Variants in CAD observed in about 807,000 individuals in gnomAD.
CAD encodes carbamoyl-phosphate synthetase 2, aspartate transcarbamylase, and dihydroorotase.
A neutral mutation model predicts 237.2 loss-of-function variants in CAD; 81 were observed. That is an observed-to-expected ratio of 0.34 (90% CI 0.29 to 0.41). The LOEUF is 0.41. Among genes scored for constraint, CAD ranks in the 10% least tolerant of loss-of-function variants. The pLI, the probability that CAD is intolerant of heterozygous loss-of-function variation, is 1.00. For synonymous variants in CAD, 1,196 were observed against 1,162.8 expected (o/e 1.03, Z -0.58); for missense variants, 2,181 against 2,951.7 (o/e 0.74, Z 6.05).
At position 27,235,824 on chromosome 2, in the gene CAD, A is replaced by C. The variant is rs1042934213; in HGVS notation, c.4074+184A>C. ...AGGCTGCAGTGAGCTGCGAGTGTGCAGTGAGTGCACCACTGCACTCCAGCT... is the reference window on the plus strand; with the variant it reads ...AGGCTGCAGTGAGCTGCGAGTGTGCCGTGAGTGCACCACTGCACTCCAGCT... On this transcript the variant is annotated intron_variant, in intron 25 of 43. Transcript: ENST00000264705. The surrounding 1 kb of genome is among the most constrained non-coding windows in gnomAD (Gnocchi z 5.2). 3.6e-6 allele frequency: 2 copies of C among 556,962 alleles called. No homozygotes were observed. Among genetic ancestry groups the C allele is most frequent in the South Asian group, 2.1e-5 (1 of 48,736 alleles). The allele number at this position is 556,962 out of a possible 1,614,324, so 34.5% of individuals were successfully genotyped here.
Position 27,241,096 on chromosome 2 carries a change from C to T in CAD, c.5677C>T (p.Pro1893Ser). Residue 1893 changes from proline to serine, a missense_variant, in exon 37 of 44, where the codon CCA becomes TCA. Pro to Ser is a moderately conservative substitution (Grantham distance 74). Transcript: ENST00000264705. This position sits in a 1 kb window ranked among gnomAD's most constrained non-coding sequence, Gnocchi z 4.6. ...GTPDGTCYPP[P>S]PVPRQASPQN... ...CCCTGATGGCACCTGCTACCCTCCACCACCAGTACCGAGACAGGCATCTCC... is the reference window on the plus strand; with the variant it reads ...CCCTGATGGCACCTGCTACCCTCCATCACCAGTACCGAGACAGGCATCTCC... 6.2e-7 allele frequency: 1 copy of T among 1,609,258 alleles called. No homozygotes were observed. Among genetic ancestry groups the T allele is most frequent in the Non-Finnish European group, 8.5e-7 (1 of 1,177,828 alleles).
At chr2:27,222,803 C>T (rs1675242276) in intron 5 of CAD, 63 bp from the exon 6 acceptor site, 1 of 1,582,598 alleles carries the variant, frequency 6.3e-7, no homozygotes, top group Non-Finnish European at 8.7e-7. Context: ...GCTGGGGGGG[C>T]TGCAGGTGTG....
rs1676038327 is a variant in CAD, at chr2:27,236,904, A to T, written c.4396+74A>T. On this transcript the variant is annotated intron_variant, in intron 27 of 43. Transcript: ENST00000264705. The surrounding 1 kb of genome is among the most constrained non-coding windows in gnomAD (Gnocchi z 4.1). ...ATAGAGACCTGCAGTGTGGTGAAGG[A>T]TGGCTGGGGGGCCCACTCTTTGTCC... The T allele has an allele frequency of 4.0e-6, 5 of 1,246,816 alleles. No individual in the cohort carries two copies. The highest frequency in any genetic ancestry group is 1.7e-5 in the Admixed American group (1 of 59,338). 77.2% of individuals were successfully genotyped at this position (1,246,816 alleles called of 1,614,324 possible).
At chr2:27,229,307 C>T (rs768862676) in intron 15 of CAD, among the ~76,000 whole-genome samples, 4 of 151,934 alleles carry the variant, frequency 2.6e-5, no homozygotes, top group Non-Finnish European at 5.9e-5. Context: ...TTTATTCTGT[C>T]ACCCAGGGTG....
In CAD at chr2:27,233,995, G is replaced by A; in HGVS notation, c.3400-13G>A. ...AGTGGCCCTATGTCCCACTGTCTGT[G>A]TCCCCCCGCTAGGAGATTGACGTGG... On this transcript the variant is annotated splice_polypyrimidine_tract_variant and intron_variant, in intron 21 of 43. Coordinates refer to ENST00000264705, the MANE Select transcript of CAD (RefSeq NM_004341.5). The surrounding 1 kb of genome is among the most constrained non-coding windows in gnomAD (Gnocchi z 6.3). 1 of 1,611,736 alleles carries A rather than the reference G, an allele frequency of 6.2e-7. No homozygotes were observed. Among genetic ancestry groups the A allele is most frequent in the Non-Finnish European group, 8.5e-7 (1 of 1,178,522 alleles).
chr2:27,234,637 A>G lies in CAD; in HGVS notation c.3738A>G (p.Glu1246=), dbSNP rs1443901413. ...CCACGCGGGTCATCATGGGGGAAGA[A>G]GTGGAACCTGTGGGGCTAATGACTG... is the stretch of plus-strand genomic sequence containing the variant. ...ALATRVIMGE[E]VEPVGLMTGS... The change falls in exon 23 of 44, where the codon GAA becomes GAG. Residue 1246 remains glutamate, a synonymous_variant. Coordinates refer to ENST00000264705, the MANE Select transcript of CAD (RefSeq NM_004341.5). 7.4e-6 allele frequency: 12 copies of G among 1,614,024 alleles called. No individual in the cohort carries two copies. Among genetic ancestry groups the G allele is most frequent in the Non-Finnish European group, 1.0e-5 (12 of 1,180,008 alleles).
intron 43 of CAD, 48 bp from the exon 44 acceptor site, chr2:27,243,368 A>G (rs750776478): frequency 5.7e-6 from 9 of 1,580,758 alleles, no homozygotes; most frequent in Non-Finnish European, 7.8e-6. Context: ...CAAGCCATCC[A>G]TGGGCTGCAC....
chr2:27,238,283 G>A lies in CAD; in HGVS notation c.4860+96G>A, dbSNP rs147579911. ...AGGGGCAGGAGACAGCAGGAGGAGA[G>A]TCTGGAGACAGCAGGAGGAGGGTCT... is the stretch of plus-strand genomic sequence containing the variant. On this transcript the variant is annotated intron_variant, in intron 30 of 43. Coordinates refer to ENST00000264705, the MANE Select transcript of CAD (RefSeq NM_004341.5). 1,170 of 1,507,624 alleles carry A rather than the reference G, an allele frequency of 7.8e-4. 4 individuals carry two copies. The African/African-American group carries it at 0.014, about 18-fold the overall frequency. The allele number at this position is 1,507,624 out of a possible 1,614,324, so 93.4% of individuals were successfully genotyped here.
Position 27,237,636 on chromosome 2 carries a change from C to A in CAD, c.4564-82C>A. ...TGAGCCCTTTTCCTTCTGCCCCGCCCTATGGGCCCAGGCCACTGGTGCCAG... is the reference window on the plus strand; with the variant it reads ...TGAGCCCTTTTCCTTCTGCCCCGCCATATGGGCCCAGGCCACTGGTGCCAG... On this transcript the variant is annotated intron_variant, in intron 28 of 43. Coordinates refer to ENST00000264705, the MANE Select transcript of CAD (RefSeq NM_004341.5). This position sits in a 1 kb window ranked among gnomAD's most constrained non-coding sequence, Gnocchi z 4.0. The A allele has an allele frequency of 6.4e-7, 1 of 1,574,040 alleles. No homozygotes were observed. Among genetic ancestry groups the A allele is most frequent in the Non-Finnish European group, 8.6e-7 (1 of 1,157,368 alleles).
At chr2:27,218,114 C>A (rs1674961357) in intron 2 of CAD, 98 bp downstream of exon 2, 2 of 1,061,692 alleles carry the variant, frequency 1.9e-6, no homozygotes, top group Non-Finnish European at 2.7e-6. Context: ...GGGCATCCTG[C>A]AGAAAACATA....
chr2:27,226,803 C>T (rs1403733275), intron 14 of CAD, 29 bp from the exon 15 acceptor site: 1 of 1,613,382 alleles, frequency 6.2e-7, no homozygotes, highest in Admixed American at 1.7e-5. Flanking sequence ...CTTCACTGTC[C>T]TTCTGGCATC....
Position 27,222,577 on chromosome 2 carries a change from T to A in CAD, c.554T>A (p.Leu185His). 2 of 1,614,140 alleles carry A rather than the reference T, an allele frequency of 1.2e-6. No homozygotes were observed. Among genetic ancestry groups the A allele is most frequent in the Non-Finnish European group, 1.7e-6 (2 of 1,180,010 alleles). Residue 185 changes from leucine to histidine, a missense_variant, in exon 5 of 44, where the codon CTC becomes CAC. This residue lies in a region of CAD where 314 missense variants were observed against 339.4 expected (regional missense o/e 0.93). Coordinates refer to ENST00000264705, the MANE Select transcript of CAD (RefSeq NM_004341.5). ...CGGATCCTTGCTTTGGACTGTGGCC[T>A]CAAGTATAATCAGATCCGATGCCTC... Reference protein sequence around the residue: ...APRILALDCGLKYNQIRCLCQ... With the variant: ...APRILALDCGHKYNQIRCLCQ...
rs1558544838 is a variant in CAD at position 27,240,614 on chromosome 2, T to TG, written c.5593+257dup. On this transcript the variant is annotated intron_variant, in intron 35 of 43. Transcript: ENST00000264705. This position sits in a 1 kb window ranked among gnomAD's most constrained non-coding sequence, Gnocchi z 4.6. ...TGGGATCCCACGGGGCAGCAGAGCG[T>TG]GGGGTAAATCCAGGTTGTTGGTTGG... 4 of 1,543,320 alleles carry TG rather than the reference T, an allele frequency of 2.6e-6. No individual in the cohort carries two copies. In the East Asian group the frequency reaches 7.4e-5, roughly 29 times the overall value.
chr2:27,224,680 A>G (rs942589760), intron 9 of CAD, 65 bp from the exon 10 acceptor site: 8 of 1,598,564 alleles, frequency 5.0e-6, no homozygotes, highest in Admixed American at 1.7e-5. Context: ...GGAGAATGCT[A>G]CTCTAAGGCT....
chr2:27,232,514 C>T lies in CAD; in HGVS notation c.2712C>T (p.Asp904=). The T allele has an allele frequency of 6.2e-7, 1 of 1,614,218 alleles. No homozygotes were observed. The highest frequency in any genetic ancestry group is 8.5e-7 in the Non-Finnish European group (1 of 1,180,026). ...LGICPAVKQI[D]TVAAEWPAQT... is the part of the protein sequence containing the mutation. ...TCTGTCCAGCAGTGAAACAGATTGACACAGTTGCAGCTGAGTGGCCAGCCC... is the reference window on the plus strand; with the variant it reads ...TCTGTCCAGCAGTGAAACAGATTGATACAGTTGCAGCTGAGTGGCCAGCCC... Residue 904 remains aspartate (D), a synonymous_variant, in exon 18 of 44, where the codon GAC becomes GAT. Coordinates refer to ENST00000264705, the MANE Select transcript of CAD (RefSeq NM_004341.5). This position sits in a 1 kb window ranked among gnomAD's most constrained non-coding sequence, Gnocchi z 4.1.
In CAD at chr2:27,241,160, C is replaced by T. The variant is rs1486924088; in HGVS notation, c.5741C>T (p.Thr1914Ile). ...LGTPGLLHPQTSPLLHSLVGQ... is the reference protein window; with the variant it reads ...LGTPGLLHPQISPLLHSLVGQ... ...ACCCCTGGCTTGCTGCACCCCCAGA[C>T]CTCACCCCTGCTGCACTCATTAGTG... The change falls in exon 37 of 44, where the codon ACC becomes ATC. Residue 1914 changes from threonine to isoleucine, a missense_variant. Physicochemically the swap from Thr to Ile is moderately conservative, Grantham distance 89. This residue lies in a region of CAD where 203 missense variants were observed against 284.5 expected (regional missense o/e 0.71). Transcript: ENST00000264705. This position sits in a 1 kb window ranked among gnomAD's most constrained non-coding sequence, Gnocchi z 4.6. 6.2e-7 allele frequency: 1 copy of T among 1,612,996 alleles called. No homozygotes were observed. The highest frequency in any genetic ancestry group is 8.5e-7 in the Non-Finnish European group (1 of 1,179,506).
In CAD at chr2:27,238,142, C is replaced by T. The variant is rs375838695; in HGVS notation, c.4815C>T (p.Leu1605=). 1.9e-6 allele frequency: 3 copies of T among 1,614,180 alleles called. No homozygotes were observed. Among genetic ancestry groups the T allele is most frequent in the African/African-American group, 2.7e-5 (2 of 75,030 alleles). Residue 1605 remains leucine, a synonymous_variant, in exon 30 of 44, where the codon CTC becomes CTT. Coordinates refer to ENST00000264705, the MANE Select transcript of CAD (RefSeq NM_004341.5). ...CTGCTGTCCTCATGGTGGCTCAGCT[C>T]ACTCAGCGCTCAGTGCACATATGTC... ...TVAAVLMVAQ[L]TQRSVHICHV...
intron 31 of CAD, 120 bp from the exon 32 acceptor site, chr2:27,238,922 A>G: frequency 1.0e-6 from 1 of 988,444 alleles, no homozygotes; most frequent in Non-Finnish European, 1.5e-6. Flanking sequence ...CCCAGAAAAA[A>G]TGAGCATTGG....
chr2:27,233,930 G>T lies in CAD; in HGVS notation c.3400-78G>T. On this transcript the variant is annotated intron_variant, in intron 21 of 43. Transcript: ENST00000264705. This position sits in a 1 kb window ranked among gnomAD's most constrained non-coding sequence, Gnocchi z 6.3. ...GGGAACAGTGGGCTATGTGGGGCTCGTTAAAGGAAGAGACAATCCTAGAGT... is the reference window on the plus strand; with the variant it reads ...GGGAACAGTGGGCTATGTGGGGCTCTTTAAAGGAAGAGACAATCCTAGAGT... 6.5e-7 allele frequency: 1 copy of T among 1,547,792 alleles called. No individual in the cohort carries two copies.
Sources: gnomAD v4.1 joint callset for allele counts (sites outside exome capture counted in the v4.1 genomes callset) on GRCh38, gnomAD v4.1.1 for gene constraint, gnomAD v4.1.1 regional missense constraint, Gnocchi (gnomAD v3.1) non-coding constraint, MANE v1.5 for transcripts, NCBI Gene and HGNC (gene_info 2026-07-23, HGNC 2026-07-21) for gene names.